The following ANOS1 variants were observed in gnomAD, a reference collection of about 807,000 sequenced individuals.
The protein encoded by ANOS1 is anosmin-1.
A neutral mutation model predicts 59.0 loss-of-function variants in ANOS1; 6 were observed. The observed-to-expected ratio is 0.10, with a 90% CI of 0.06 to 0.20. The LOEUF (loss-of-function observed/expected upper bound fraction) is 0.20, where lower values mean the gene tolerates loss of function less well. Among genes scored for constraint, ANOS1 ranks in the 10% least tolerant of loss-of-function variants. The pLI, the probability that ANOS1 is intolerant of heterozygous loss-of-function variation, is 1.00. For synonymous variants in ANOS1, 217 were observed against 223.4 expected (o/e 0.97, Z 0.25); for missense variants, 433 against 542.3 (o/e 0.80, Z 2.00).
At chrX:8,685,646 AAG>A (rs1361219065) in intron 2 of ANOS1, among the ~76,000 whole-genome samples, 4 of 103,828 alleles carry the variant, frequency 3.9e-5, no homozygotes, top group African/African-American at 1.1e-4. Context: ...GAAAGAAAGA[AAG>A]AAAGAAAGAA....
chrX:8,588,259 A>T (rs1433217016), intron 4 of ANOS1, among the ~76,000 whole-genome samples: 1 of 111,115 alleles, frequency 9.0e-6, no homozygotes, highest in Non-Finnish European at 1.9e-5. Flanking sequence ...TTCCCTAGTA[A>T]TCTCTAGAGC....
At chrX:8,576,481 C>CACAT (rs1930325470) in intron 6 of ANOS1, among the ~76,000 whole-genome samples, 1 of 102,498 alleles carries the variant, frequency 9.8e-6, no homozygotes, top group African/African-American at 3.8e-5. Flanking sequence ...CACACACACA[C>CACAT]ACACACACAT....
chrX:8,662,189 T>C (rs1017333328), intron 2 of ANOS1, among the ~76,000 whole-genome samples: 1 of 111,642 alleles, frequency 9.0e-6, no homozygotes, highest in African/African-American at 3.3e-5. Flanking sequence ...ATTTTTGCTT[T>C]CTTCTGTAAA....
At chrX:8,637,520 T>A (rs1310595937) in intron 2 of ANOS1, among the ~76,000 whole-genome samples, 2 of 112,026 alleles carry the variant, frequency 1.8e-5, no homozygotes, top group Admixed American at 1.9e-4. Flanking sequence ...TCCAACATAA[T>A]GCAAGAATGG....
At chrX:8,616,452 C>A (rs12848099) in intron 3 of ANOS1, among the ~76,000 whole-genome samples, 1 of 111,362 alleles carries the variant, frequency 9.0e-6, no homozygotes, top group African/African-American at 3.3e-5. Flanking sequence ...TTAAACAGTA[C>A]CTTCATGCAT....
At chrX:8,594,658 G>GTGTATATATATATATATA in intron 4 of ANOS1, among the ~76,000 whole-genome samples, 1 of 33,554 alleles carries the variant, frequency 3.0e-5, no homozygotes, top group East Asian at 1.7e-3. Context: ...ATATATATGT[G>GTGTATATATATATATATA]TATATATATA....
At chrX:8,559,094 C>A (rs1383797914) in intron 8 of ANOS1, among the ~76,000 whole-genome samples, 1 of 111,725 alleles carries the variant, frequency 9.0e-6, no homozygotes, top group East Asian at 2.8e-4. Flanking sequence ...TACCACCAGG[C>A]AAATCTGCTC....
intron 3 of ANOS1, among the ~76,000 whole-genome samples, chrX:8,610,105 T>A (rs1232471235): frequency 2.8e-5 from 3 of 108,852 alleles, no homozygotes; most frequent in Non-Finnish European, 5.7e-5. Context: ...TTGACATGGT[T>A]AAATTCCCAG....
intron 3 of ANOS1, among the ~76,000 whole-genome samples, chrX:8,613,721 G>T (rs1426172012): frequency 9.0e-6 from 1 of 111,425 alleles, no homozygotes; most frequent in Non-Finnish European, 1.9e-5. Context: ...GCTCACTGCA[G>T]TCTCGACCTC....
intron 2 of ANOS1, among the ~76,000 whole-genome samples, chrX:8,686,387 C>G (rs766627170): frequency 1.7e-3 from 189 of 109,694 alleles, no homozygotes; most frequent in Middle Eastern, 9.3e-3. Context: ...AGCTGGAAAG[C>G]ACATCTTAAG....
intron 1 of ANOS1, among the ~76,000 whole-genome samples, chrX:8,710,917 G>A (rs962188800): frequency 8.9e-6 from 1 of 112,237 alleles, no homozygotes; most frequent in Non-Finnish European, 1.9e-5. Flanking sequence ...TGTGAAGAAG[G>A]AAGATCACAC....
At chrX:8,576,815 A>G (rs1930335882) in intron 6 of ANOS1, among the ~76,000 whole-genome samples, 1 of 111,728 alleles carries the variant, frequency 9.0e-6, no homozygotes, top group African/African-American at 3.3e-5. Flanking sequence ...CACCATCAAA[A>G]TAAGGGACAA....
chrX:8,592,237 T>C (rs1361743601), intron 4 of ANOS1, among the ~76,000 whole-genome samples: 1 of 112,086 alleles, frequency 8.9e-6, no homozygotes, highest in Admixed American at 9.5e-5. Context: ...TAATTAGAAC[T>C]CTAGAATTTG....
intron 4 of ANOS1, among the ~76,000 whole-genome samples, chrX:8,595,007 T>A (rs1012331947): frequency 3.7e-5 from 4 of 109,060 alleles, no homozygotes; most frequent in Non-Finnish European, 5.7e-5. Context: ...GTATACTTAA[T>A]CATTTATTCT....
chrX:8,730,817 C>A (rs1328344185), intron 1 of ANOS1, among the ~76,000 whole-genome samples: 1 of 112,487 alleles, frequency 8.9e-6, no homozygotes, highest in Non-Finnish European at 1.9e-5. Flanking sequence ...GAAAAATAAG[C>A]GGAGGATTTC....
chrX:8,655,366 G>A (rs1931914829), intron 2 of ANOS1, among the ~76,000 whole-genome samples: 1 of 111,516 alleles, frequency 9.0e-6, no homozygotes, highest in Admixed American at 9.6e-5. Context: ...TGTTGCCACT[G>A]ATCTGACAGG....
At chrX:8,590,688 TGAACA>T (rs1190759913) in intron 4 of ANOS1, among the ~76,000 whole-genome samples, 1 of 112,160 alleles carries the variant, frequency 8.9e-6, no homozygotes, top group Non-Finnish European at 1.9e-5. Flanking sequence ...AAATGTTCAA[TGAACA>T]GTCAATGTTT....
At chrX:8,689,389 CATCAACT>C (rs1569083511) in intron 2 of ANOS1, among the ~76,000 whole-genome samples, 1 of 110,119 alleles carries the variant, frequency 9.1e-6, no homozygotes. Flanking sequence ...TTTTCAATTC[CATCAACT>C]CCCTTAAGAC....
At chrX:8,722,785 C>A (rs948889414) in intron 1 of ANOS1, among the ~76,000 whole-genome samples, 1 of 112,423 alleles carries the variant, frequency 8.9e-6, no homozygotes, top group Admixed American at 9.5e-5. Context: ...CTTTAAGGAA[C>A]CTCCACACTG....
Sources: allele counts gnomAD v4.1 joint callset (sites outside exome capture counted in the v4.1 genomes callset), GRCh38; gene constraint gnomAD v4.1.1; transcripts MANE v1.5; gene names NCBI Gene and HGNC (gene_info 2026-07-23, HGNC 2026-07-21).